WDR43: variants seen among roughly 807,000 people sequenced by gnomAD.
The protein encoded by WDR43 is WD repeat domain 43.
Under a neutral mutation model 91.4 loss-of-function variants are expected in WDR43, and 13 were observed. The ratio of observed to expected loss-of-function variants is 0.14; its 90% confidence interval spans 0.09 to 0.23. The LOEUF is 0.23. Among genes scored for constraint, WDR43 ranks in the 10% least tolerant of loss-of-function variants. The pLI is 1.00. For missense variants in WDR43, 780 were observed against 809.4 expected, an observed-to-expected ratio of 0.96 and a Z score of 0.44; for synonymous variants, 331 against 287.9, an observed-to-expected ratio of 1.15 and a Z score of -1.51.
Position 28,929,613 on chromosome 2 carries a change from T to G in WDR43, c.1340T>G (p.Ile447Arg), listed in dbSNP as rs770686483. 6.2e-7 allele frequency: 1 copy of G among 1,613,624 alleles called. No homozygotes were observed. Among genetic ancestry groups the G allele is most frequent in the Non-Finnish European group, 8.5e-7 (1 of 1,179,652 alleles). ...SIEERLGAMDIDTHKKGKEDL... is the reference protein window; with the variant it reads ...SIEERLGAMDRDTHKKGKEDL... ...GAAGAACGTCTGGGAGCAATGGATA[T>G]AGACACACACAAAAAAGGAAAGGAA... Residue 447 changes from isoleucine to arginine, a missense_variant, in exon 11 of 18, where the codon ATA (isoleucine) becomes AGA (arginine). Around this residue, in one of 4 missense-constraint regions of WDR43, gnomAD observed 426 missense variants for 467.8 expected, o/e 0.91. Transcript: ENST00000407426.
At chr2:28,926,640 G>A (rs1406509528) in intron 9 of WDR43, 86 bp downstream of exon 9, 9 of 1,169,672 alleles carry the variant, frequency 7.7e-6, no homozygotes, top group Non-Finnish European at 1.1e-5. Flanking sequence ...TGATTAAACT[G>A]AGTTTTTTAT....
chr2:28,929,745 G>A (rs1405207019), intron 11 of WDR43, 35 bp downstream of exon 11: 6 of 1,583,668 alleles, frequency 3.8e-6, no homozygotes, highest in Non-Finnish European at 5.2e-6. Flanking sequence ...AAATTAACAT[G>A]GTTAATATTT....
At chr2:28,911,919 C>T (rs1670808455) in intron 3 of WDR43, among the ~76,000 whole-genome samples, 1 of 152,192 alleles carries the variant, frequency 6.6e-6, no homozygotes, top group African/African-American at 2.4e-5. Context: ...CCACCATGCC[C>T]TGCCCCTGCT....
In WDR43 at chr2:28,946,916, T is replaced by C. The variant is rs1671553559; in HGVS notation, c.*137T>C. The C allele has an allele frequency of 2.1e-6, 2 of 947,500 alleles. No individual in the cohort carries two copies. Among genetic ancestry groups the C allele is most frequent in the Admixed American group, 6.0e-5 (2 of 33,600 alleles). 58.7% of individuals were successfully genotyped at this position (947,500 alleles called of 1,614,324 possible). On this transcript the variant is annotated 3_prime_UTR_variant, in exon 18 of 18. Transcript: ENST00000407426. ...AGCAGTGGATCCCATGCCACTTTGC[T>C]GTCCTGAGCACCCCAGACTTGACTG...
intron 6 of WDR43, among the ~76,000 whole-genome samples, chr2:28,920,592 C>G (rs1414623152): frequency 6.6e-6 from 1 of 152,076 alleles, no homozygotes; most frequent in Admixed American, 6.5e-5. Context: ...AGTCTAAATA[C>G]AAGTAATTTA....
chr2:28,910,083 G>A (rs755184706), intron 3 of WDR43, among the ~76,000 whole-genome samples: 2 of 152,162 alleles, frequency 1.3e-5, no homozygotes, highest in Non-Finnish European at 2.9e-5. Context: ...ATACAGATCT[G>A]ATTTAGTAGG....
intron 5 of WDR43, among the ~76,000 whole-genome samples, chr2:28,916,312 G>A (rs976550715): frequency 2.6e-5 from 4 of 152,004 alleles, no homozygotes; most frequent in African/African-American, 2.4e-5. Flanking sequence ...TGTACGTTTA[G>A]CTTTTCAAGA....
intron 3 of WDR43, among the ~76,000 whole-genome samples, chr2:28,910,316 A>T (rs552481790): frequency 6.6e-5 from 10 of 152,328 alleles, no homozygotes; most frequent in Non-Finnish European, 1.3e-4. Context: ...ATATGTATCA[A>T]CGTAGTAAGT....
chr2:28,926,561 A>G lies in WDR43; in HGVS notation c.1173+7A>G. On this transcript the variant is annotated splice_region_variant and intron_variant, in intron 9 of 17. Coordinates refer to ENST00000407426, the MANE Select transcript of WDR43 (RefSeq NM_015131.3). ...AGAAACAGCTATAACAAAGGTGAGC[A>G]CATTACAAATTTGAAGTTTTAAGAA... 1.3e-6 allele frequency: 2 copies of G among 1,578,336 alleles called. No individual in the cohort carries two copies. Among genetic ancestry groups the G allele is most frequent in the Non-Finnish European group, 1.7e-6 (2 of 1,160,874 alleles).
Position 28,912,587 on chromosome 2 carries a change from T to C in WDR43, c.486-3T>C. The C allele has an allele frequency of 6.2e-7, 1 of 1,611,810 alleles. No homozygotes were observed. Among genetic ancestry groups the C allele is most frequent in the Non-Finnish European group, 8.5e-7 (1 of 1,178,358 alleles). Reference sequence around the variant, plus strand: ...GATGCTTTTTTTTCTCTTCACAATATAGCAAATGGAAAGGCGACAATAGCA... The same window carrying C: ...GATGCTTTTTTTTCTCTTCACAATACAGCAAATGGAAAGGCGACAATAGCA... On this transcript the variant is annotated splice_polypyrimidine_tract_variant and splice_region_variant and intron_variant, in intron 3 of 17. Transcript: ENST00000407426.
At chr2:28,932,022 C>T (rs558497005) in intron 11 of WDR43, among the ~76,000 whole-genome samples, 7 of 151,972 alleles carry the variant, frequency 4.6e-5, no homozygotes, top group South Asian at 2.1e-4. Flanking sequence ...ACTGCAGGCA[C>T]GCATCACCAT....
At chr2:28,917,716 T>C (rs1047316107) in intron 5 of WDR43, among the ~76,000 whole-genome samples, 177 bp from the exon 6 acceptor site, 1 of 152,250 alleles carries the variant, frequency 6.6e-6, no homozygotes. Flanking sequence ...CCATGTTATA[T>C]GGTAGTGACA....
intron 14 of WDR43, among the ~76,000 whole-genome samples, chr2:28,939,614 C>G (rs1671397262): frequency 6.6e-6 from 1 of 152,154 alleles, no homozygotes; most frequent in African/African-American, 2.4e-5. Context: ...CAGCAATGTA[C>G]CAAACACTCT....
At chr2:28,922,434 G>A (rs768507799) in intron 6 of WDR43, among the ~76,000 whole-genome samples, 10 of 152,158 alleles carry the variant, frequency 6.6e-5, no homozygotes, top group Admixed American at 2.6e-4. Flanking sequence ...CACATTGATA[G>A]TGAATGGAGG....
At chr2:28,907,469 T>A (rs112406236) in intron 3 of WDR43, among the ~76,000 whole-genome samples, 2,030 of 21,584 alleles carry the variant, frequency 0.094, 44 homozygotes, top group Middle Eastern at 0.19. Context: ...AAAAAAAAAA[T>A]TGGGTGTGGT....
chr2:28,923,003 A>G lies in WDR43; in HGVS notation c.914+20A>G. 6.2e-7 allele frequency: 1 copy of G among 1,605,276 alleles called. No individual in the cohort carries two copies. The highest frequency in any genetic ancestry group is 8.5e-7 in the Non-Finnish European group (1 of 1,175,800). ...AAATGGGTAAGTAAGAAATTTTCCAAGTAAGAAATTTGTTTCTTTCCCTGA... is the reference window on the plus strand; with the variant it reads ...AAATGGGTAAGTAAGAAATTTTCCAGGTAAGAAATTTGTTTCTTTCCCTGA... On this transcript the variant is annotated intron_variant, in intron 7 of 17. Transcript: ENST00000407426.
chr2:28,915,495 T>A lies in WDR43; in HGVS notation c.746+1287T>A, dbSNP rs901705581. ...AGCTACAAAATTTCATTAAATAAAA[T>A]AAAAGTTGCTTTATGTTAATCTTAA... is the stretch of plus-strand genomic sequence containing the variant. On this transcript the variant is annotated intron_variant, in intron 5 of 17. Coordinates refer to ENST00000407426, the MANE Select transcript of WDR43 (RefSeq NM_015131.3). Among the ~76,000 whole-genome samples the A allele has an allele frequency of 5.9e-5, 9 of 152,324 alleles. No homozygotes were observed. The East Asian group carries it at 1.7e-3, about 29-fold the overall frequency.
intron 6 of WDR43, among the ~76,000 whole-genome samples, chr2:28,921,235 C>T (rs553785760): frequency 6.6e-6 from 1 of 151,874 alleles, no homozygotes; most frequent in South Asian, 2.1e-4. Flanking sequence ...TCAAGCGATT[C>T]TCCTGCCTCA....
In WDR43 at chr2:28,915,245, C is replaced by G. The variant is rs901656223; in HGVS notation, c.746+1037C>G. 4.6e-5 allele frequency among the ~76,000 whole-genome samples: 7 copies of G among 152,160 alleles called. No individual in the cohort carries two copies. In the East Asian group the frequency reaches 1.2e-3, roughly 25 times the overall value. On this transcript the variant is annotated intron_variant, in intron 5 of 17. Transcript: ENST00000407426. ...AAAACCACCAGCAAAACCATAATTC[C>G]TAATTATGTCTCTTGTAATTAAACG... is the stretch of plus-strand genomic sequence containing the variant.
Sources: allele counts gnomAD v4.1 joint callset (sites outside exome capture counted in the v4.1 genomes callset), GRCh38; gene constraint gnomAD v4.1.1; regional missense constraint gnomAD v4.1.1; transcripts MANE v1.5; gene names NCBI Gene and HGNC (gene_info 2026-07-23, HGNC 2026-07-21).